SLC12A2: variants seen among roughly 807,000 people sequenced by gnomAD.
The protein encoded by SLC12A2 is Na-K-2Cl cotransporter 1.
SLC12A2 carries 67 observed loss-of-function variants against 136.3 expected under a neutral mutation model. The ratio of observed to expected loss-of-function variants is 0.49; its 90% CI spans 0.40 to 0.60. SLC12A2 has a LOEUF of 0.60. Among genes scored for constraint, SLC12A2 ranks in the 20% least tolerant of loss-of-function variants. The pLI is 0.00. For missense variants in SLC12A2, 1,322 were observed against 1,534.7 expected, an observed-to-expected ratio of 0.86 and a Z score of 2.32; for synonymous variants, 619 against 562.9, an observed-to-expected ratio of 1.10 and a Z score of -1.41.
intron 4 of SLC12A2, among the ~76,000 whole-genome samples, chr5:128,117,371 C>T (rs774158113): frequency 3.4e-4 from 51 of 152,012 alleles, no homozygotes; most frequent in Non-Finnish European, 5.1e-4. Context: ...AACAATGAAA[C>T]AAACCAAAAA....
At chr5:128,123,258 T>A (rs1233908965) in intron 4 of SLC12A2, among the ~76,000 whole-genome samples, 1 of 152,112 alleles carries the variant, frequency 6.6e-6, no homozygotes, top group African/African-American at 2.4e-5. Flanking sequence ...GTTTGTCACC[T>A]CACCTTTCCC....
chr5:128,153,422 G>C (rs910226530), intron 15 of SLC12A2, among the ~76,000 whole-genome samples: 4 of 152,136 alleles, frequency 2.6e-5, no homozygotes. Context: ...AGGCGTAGTG[G>C]CGCATGCCTG....
intron 10 of SLC12A2, among the ~76,000 whole-genome samples, chr5:128,144,209 T>C (rs1472420953): frequency 1.3e-5 from 2 of 152,172 alleles, no homozygotes; most frequent in Non-Finnish European, 2.9e-5. Context: ...TTATCAAGTT[T>C]AGTTATGGAC....
At chr5:128,127,550 T>C (rs908145342) in intron 4 of SLC12A2, among the ~76,000 whole-genome samples, 1 of 152,140 alleles carries the variant, frequency 6.6e-6, no homozygotes, top group Admixed American at 6.5e-5. Flanking sequence ...TCCTCACCAG[T>C]GAAGCCATCT....
chr5:128,110,366 C>T, intron 1 of SLC12A2: 1 of 973,302 alleles, frequency 1.0e-6, no homozygotes, highest in Non-Finnish European at 1.7e-6. Flanking sequence ...TGCAAGCTAA[C>T]ACGGGTCCTC....
In SLC12A2 at chr5:128,100,454, T is replaced by G. The variant is rs556818701; in HGVS notation, c.757-12360T>G. The stretch of plus-strand genomic sequence containing the variant: ...TTGGAGCATTTTGGATTAGGGATGC[T>G]GAACTCCAGTAGATATAATGCAAAT... On this transcript the variant is annotated intron_variant, in intron 1 of 26. Coordinates refer to ENST00000262461, the MANE Select transcript of SLC12A2 (RefSeq NM_001046.3). Among the ~76,000 whole-genome samples, 24 of 152,252 alleles carry G rather than the reference T, an allele frequency of 1.6e-4. No individual in the cohort carries two copies. In the East Asian group the frequency reaches 4.6e-3, roughly 29 times the overall value.
At chr5:128,169,139 C>T (rs1763292001) in intron 18 of SLC12A2, 1 of 152,052 alleles carries the variant, frequency 6.6e-6, no homozygotes, top group African/African-American at 2.4e-5. Flanking sequence ...CATTCCCTCT[C>T]CACTATGCCA....
intron 1 of SLC12A2, among the ~76,000 whole-genome samples, chr5:128,086,937 T>G (rs1760123739): frequency 6.6e-6 from 1 of 152,242 alleles, no homozygotes; most frequent in African/African-American, 2.4e-5. Flanking sequence ...TTATAACACC[T>G]AATTCTAGCA....
intron 1 of SLC12A2, among the ~76,000 whole-genome samples, chr5:128,093,576 A>G (rs1760416935): frequency 6.6e-6 from 1 of 152,140 alleles, no homozygotes; most frequent in South Asian, 2.1e-4. Context: ...ACTATTCATC[A>G]TACTGCAAAA....
rs1760578018 is a variant in SLC12A2 at position 128,097,217 on chromosome 5, A to AG, written c.756+12507_756+12508insG. Among the ~76,000 whole-genome samples the AG allele has an allele frequency of 9.7e-4, 6 of 6,178 alleles. No homozygotes were observed. In the African/African-American group the frequency reaches 0.044, roughly 45 times the overall value. 4.1% of individuals were successfully genotyped at this position (6,178 alleles called of 152,430 possible). ...TTTCATGAGGAAGAGAAAGTAATAT[A>AG]AGTTTGAGAAATAGGGAAGGTAACT... is the stretch of plus-strand genomic sequence containing the variant. On this transcript the variant is annotated intron_variant, in intron 1 of 26. Transcript: ENST00000262461.
Position 128,084,371 on chromosome 5 carries a change from C to T in SLC12A2, c.417C>T (p.Phe139=), listed in dbSNP as rs372900715. The T allele has an allele frequency of 6.2e-7, 1 of 1,604,794 alleles. No individual in the cohort carries two copies. The highest frequency in any genetic ancestry group is 8.5e-7 in the Non-Finnish European group (1 of 1,177,514). The change falls in exon 1 of 27, where the codon TTC becomes TTT. Residue 139 remains phenylalanine, a synonymous_variant. Transcript: ENST00000262461. The surrounding 1 kb of genome is among the most constrained non-coding windows in gnomAD (Gnocchi z 5.6). ...GCAGCGAGGAAGCCAAGGGCCGCTT[C>T]CGCGTGAACTTCGTGGACCCAGCTG... is the stretch of plus-strand genomic sequence containing the variant. ...AKGSEEAKGR[F]RVNFVDPAAS... is the part of the protein sequence containing the mutation.
rs375964204 is a variant in SLC12A2 at position 128,174,607 on chromosome 5, G to A, written c.2870G>A (p.Ser957Asn). 1.7e-5 allele frequency: 27 copies of A among 1,609,408 alleles called. No homozygotes were observed. Among genetic ancestry groups the A allele is most frequent in the Non-Finnish European group, 2.2e-5 (26 of 1,177,404 alleles). The change falls in exon 20 of 27, where the codon AGT becomes AAT. Residue 957 changes from serine to asparagine, a missense_variant. Ser to Asn is a conservative substitution (Grantham distance 46). Around this residue, in one of 8 missense-constraint regions of SLC12A2, gnomAD observed 226 missense variants for 210.4 expected, o/e 1.07. Coordinates refer to ENST00000262461, the MANE Select transcript of SLC12A2 (RefSeq NM_001046.3). ...TKDVVVSVEYSKKSDLDTSKP... is the reference protein window; with the variant it reads ...TKDVVVSVEYNKKSDLDTSKP... ...GATGTGGTAGTAAGTGTGGAATATA[G>A]TAAAAAGTCCGATTTAGATACTTCC...
intron 20 of SLC12A2, among the ~76,000 whole-genome samples, chr5:128,176,755 A>G (rs1011031642): frequency 4.6e-5 from 7 of 152,062 alleles, no homozygotes; most frequent in African/African-American, 1.7e-4. Flanking sequence ...TGCAATATCA[A>G]TGTTTAATGT....
intron 14 of SLC12A2, 125 bp from the exon 15 acceptor site, chr5:128,152,580 CA>C: frequency 1.5e-6 from 1 of 682,846 alleles, no homozygotes; most frequent in Non-Finnish European, 2.7e-6. Flanking sequence ...ATTGAAAGTA[CA>C]ATAGTGTATT....
chr5:128,166,356 A>G (rs1391316784), intron 17 of SLC12A2, among the ~76,000 whole-genome samples: 1 of 152,088 alleles, frequency 6.6e-6, no homozygotes, highest in African/African-American at 2.4e-5. Context: ...CACCAAAAGC[A>G]TGAGCAATAA....
rs1266241290 is a variant in SLC12A2, at chr5:128,187,471, A to G, written c.*840A>G. On this transcript the variant is annotated 3_prime_UTR_variant, in exon 27 of 27. Coordinates refer to ENST00000262461, the MANE Select transcript of SLC12A2 (RefSeq NM_001046.3). ...TTTGGAGAGAAAACTGTCCTAATTT[A>G]GAATTTCCCTCAAATCTGAGGGACT... is the stretch of plus-strand genomic sequence containing the variant. The G allele has an allele frequency of 2.6e-5, 4 of 152,178 alleles. No individual in the cohort carries two copies. The highest frequency in any genetic ancestry group is 5.9e-5 in the Non-Finnish European group (4 of 67,998). The allele number at this position is 152,178 out of a possible 1,614,324, so 9.4% of individuals were successfully genotyped here.
At position 128,096,991 on chromosome 5, in the gene SLC12A2, A is replaced by G. The variant is rs192384993; in HGVS notation, c.756+12281A>G. ...CATTATAACATCTTCATCTAGCATA[A>G]ATGCTAAGGAAATTAACAATGTTTT... On this transcript the variant is annotated intron_variant, in intron 1 of 26. Coordinates refer to ENST00000262461, the MANE Select transcript of SLC12A2 (RefSeq NM_001046.3). 1.2e-4 allele frequency among the ~76,000 whole-genome samples: 19 copies of G among 152,222 alleles called. No homozygotes were observed. The East Asian group carries it at 3.1e-3, about 25-fold the overall frequency.
chr5:128,151,209 T>C, intron 13 of SLC12A2, 32 bp from the exon 14 acceptor site: 1 of 1,582,588 alleles, frequency 6.3e-7, no homozygotes, highest in Non-Finnish European at 8.6e-7. Flanking sequence ...GATGAGGTAT[T>C]TGTGTGACTT....
chr5:128,109,623 A>G, intron 1 of SLC12A2: 1 of 770,400 alleles, frequency 1.3e-6, no homozygotes, highest in Non-Finnish European at 2.4e-6. Context: ...CTTCCTACCC[A>G]GTATTTCTAT....
Sources: gnomAD v4.1 joint callset for allele counts (sites outside exome capture counted in the v4.1 genomes callset) on GRCh38, gnomAD v4.1.1 for gene constraint, gnomAD v4.1.1 regional missense constraint, Gnocchi (gnomAD v3.1) non-coding constraint, MANE v1.5 for transcripts, NCBI Gene and HGNC (gene_info 2026-07-23, HGNC 2026-07-21) for gene names.